EIF4G3: variants seen among roughly 807,000 people sequenced by gnomAD.
EIF4G3 encodes eukaryotic translation initiation factor 4 gamma 3, also known as eIF-4-gamma 3.
Under a neutral mutation model 186.4 loss-of-function variants are expected in EIF4G3, and 34 were observed. The ratio of observed to expected loss-of-function variants is 0.18; its 90% CI spans 0.14 to 0.24. The LOEUF is 0.24. EIF4G3 is among the 10% of genes least tolerant of loss of function. EIF4G3 has a pLI of 1.00. For missense variants in EIF4G3, 1,536 were observed against 1,948.5 expected (o/e 0.79, Z 3.99); for synonymous variants, 673 against 679.5 (o/e 0.99, Z 0.15).
intron 12 of EIF4G3, among the ~76,000 whole-genome samples, chr1:20,966,935 T>C (rs1427119053): frequency 6.6e-6 from 1 of 152,222 alleles, no homozygotes; most frequent in Admixed American, 6.5e-5. Context: ...AAGCATGAAA[T>C]TCACCTAATA....
chr1:20,838,602 C>T (rs1482600064), intron 30 of EIF4G3, among the ~76,000 whole-genome samples: 2 of 152,298 alleles, frequency 1.3e-5, no homozygotes, highest in East Asian at 3.9e-4. Flanking sequence ...AACCAATAAC[C>T]ACAGCAACTT....
At chr1:20,990,475 C>A (rs930307258) in intron 7 of EIF4G3, among the ~76,000 whole-genome samples, 1 of 152,260 alleles carries the variant, frequency 6.6e-6, no homozygotes, top group African/African-American at 2.4e-5. Flanking sequence ...GAGTTCAAGA[C>A]CAGCCTGGCC....
intron 14 of EIF4G3, chr1:20,941,183 T>C (rs933733873): frequency 1.1e-4 from 162 of 1,479,146 alleles, no homozygotes; most frequent in Non-Finnish European, 1.4e-4. Context: ...AATTAAGCAT[T>C]GAGAAACCAA....
In EIF4G3 at chr1:20,808,029, G is replaced by A. The variant is rs147089338; in HGVS notation, c.4745-529C>T. On this transcript the variant is annotated intron_variant, in intron 36 of 36. Coordinates refer to ENST00000602326, the MANE Select transcript of EIF4G3 (RefSeq NM_001391906.1). ...CTCCCAAGTACCTGGGATTACAGGC[G>A]CCGGCCACCACAGTCAGCTAATTTT... Among the ~76,000 whole-genome samples the A allele has an allele frequency of 5.9e-4, 90 of 151,980 alleles. 1 individual carries two copies. The highest frequency in any genetic ancestry group is 2.1e-3 in the African/African-American group (89 of 41,482).
chr1:21,007,512 C>A (rs1342030576), intron 4 of EIF4G3, among the ~76,000 whole-genome samples: 1 of 7,620 alleles, frequency 1.3e-4, no homozygotes, highest in African/African-American at 1.8e-4. Context: ...ATGGGCCCCT[C>A]CTTAAAAAAA....
chr1:21,053,697 G>A (rs1340906065), intron 3 of EIF4G3, among the ~76,000 whole-genome samples: 3 of 138,390 alleles, frequency 2.2e-5, no homozygotes, highest in African/African-American at 8.2e-5. Context: ...TGCCCAGCCA[G>A]CCGCCCCGTC....
chr1:21,170,189 A>ATAAATAAG, intron 2 of EIF4G3, among the ~76,000 whole-genome samples: 1 of 151,770 alleles, frequency 6.6e-6, no homozygotes, highest in Admixed American at 6.6e-5. Context: ...AAATAAATAA[A>ATAAATAAG]TAAACAAACA....
At chr1:20,988,675 G>C (rs560187949) in intron 7 of EIF4G3, among the ~76,000 whole-genome samples, 27 of 152,046 alleles carry the variant, frequency 1.8e-4, no homozygotes, top group Non-Finnish European at 2.4e-4. Flanking sequence ...AAAACACCTA[G>C]TCACCCAAGA....
intron 2 of EIF4G3, among the ~76,000 whole-genome samples, chr1:21,153,794 A>C (rs2097587164): frequency 6.6e-6 from 1 of 151,950 alleles, no homozygotes; most frequent in South Asian, 2.1e-4. Context: ...CGAACTCCTG[A>C]CTTCAGGTGA....
rs113996284 is a variant in EIF4G3 at position 21,100,685 on chromosome 1, T to G, written c.-271-11472A>C. On this transcript the variant is annotated intron_variant, in intron 2 of 36. Transcript: ENST00000602326. ...TCAAGGCTGAAATGCACTATGATTA[T>G]GCCAGGCTGCTCTCCAGGCAGATCC... Among the ~76,000 whole-genome samples the G allele has an allele frequency of 1.8e-3, 269 of 152,230 alleles. 1 individual carries two copies. Among genetic ancestry groups the G allele is most frequent in the African/African-American group, 6.0e-3 (251 of 41,548 alleles).
At chr1:21,046,034 C>G (rs931092347) in intron 4 of EIF4G3, among the ~76,000 whole-genome samples, 2 of 152,154 alleles carry the variant, frequency 1.3e-5, no homozygotes, top group African/African-American at 4.8e-5. Flanking sequence ...GGTTGGAACT[C>G]TAAATTAGAG....
rs777701090 is a variant in EIF4G3, at chr1:20,981,229, TGGGAA to T, written c.199-7_199-3del. The T allele has an allele frequency of 6.4e-7, 1 of 1,561,018 alleles. No homozygotes were observed. The highest frequency in any genetic ancestry group is 8.6e-7 in the Non-Finnish European group (1 of 1,156,674). ...CTGTATTTGAGGCCTCTGGAAAAAC[TGGGAA>T]GGGGAGAAAAAAAAAATTTTTTTTT... is the stretch of plus-strand genomic sequence containing the variant. On this transcript the variant is annotated splice_polypyrimidine_tract_variant and splice_region_variant and intron_variant, in intron 8 of 36. Coordinates refer to ENST00000602326, the MANE Select transcript of EIF4G3 (RefSeq NM_001391906.1).
intron 2 of EIF4G3, among the ~76,000 whole-genome samples, chr1:21,119,667 T>C (rs2096892997): frequency 6.6e-6 from 1 of 152,182 alleles, no homozygotes; most frequent in African/African-American, 2.4e-5. Flanking sequence ...GATCTGCAGG[T>C]GGCTTGTGCT....
Position 20,899,689 on chromosome 1 carries a change from A to G in EIF4G3, c.1999+8T>C. ...AAGAGGTACATAGGAAGGCAGGTAT[A>G]AACTTACCTGGTTTAAATGGAAATG... On this transcript the variant is annotated splice_region_variant and intron_variant, in intron 16 of 36. Coordinates refer to ENST00000602326, the MANE Select transcript of EIF4G3 (RefSeq NM_001391906.1). The G allele has an allele frequency of 1.2e-6, 2 of 1,614,022 alleles. No homozygotes were observed. Among genetic ancestry groups the G allele is most frequent in the East Asian group, 4.5e-5 (2 of 44,884 alleles).
At chr1:21,048,634 G>T (rs1000929344) in intron 4 of EIF4G3, among the ~76,000 whole-genome samples, 8 of 152,120 alleles carry the variant, frequency 5.3e-5, no homozygotes, top group African/African-American at 1.9e-4. Context: ...TATTCCCTCA[G>T]GAAGACACGC....
rs150623630 is a variant in EIF4G3 at position 21,073,461 on chromosome 1, A to C, written c.-196+15677T>G. 1.6e-3 allele frequency among the ~76,000 whole-genome samples: 242 copies of C among 152,324 alleles called. 3 individuals carry two copies. The highest frequency in any genetic ancestry group is 5.5e-3 in the African/African-American group (230 of 41,574). On this transcript the variant is annotated intron_variant, in intron 3 of 36. Transcript: ENST00000602326. ...AGCCACCAATCATCAGGAGGCTCCC[A>C]CCTTAAGGCCTTGGAGCTCTGCAAT...
intron 4 of EIF4G3, among the ~76,000 whole-genome samples, chr1:21,013,580 C>A (rs2087865901): frequency 6.6e-6 from 1 of 152,114 alleles, no homozygotes; most frequent in South Asian, 2.1e-4. Context: ...TTGAGAGCTA[C>A]AGGGATGTCA....
At chr1:21,159,330 C>T (rs1048966225) in intron 2 of EIF4G3, among the ~76,000 whole-genome samples, 5 of 151,572 alleles carry the variant, frequency 3.3e-5, no homozygotes, top group Non-Finnish European at 1.5e-5. Flanking sequence ...GTCCCAGCTA[C>T]TTAGGAGGCT....
intron 19 of EIF4G3, among the ~76,000 whole-genome samples, chr1:20,880,454 G>A (rs1404545280): frequency 1.3e-5 from 2 of 152,060 alleles, no homozygotes; most frequent in African/African-American, 4.8e-5. Context: ...AAAATATTTA[G>A]CCAAAAACTA....
Sources: gnomAD v4.1 joint callset for allele counts (sites outside exome capture counted in the v4.1 genomes callset) on GRCh38, gnomAD v4.1.1 for gene constraint, MANE v1.5 for transcripts, NCBI Gene and HGNC (gene_info 2026-07-23, HGNC 2026-07-21) for gene names.